The following STX1B variants were observed in gnomAD, a reference collection of about 807,000 sequenced individuals.
The protein encoded by STX1B is syntaxin 1B, also known as syntaxin-1B.
A neutral mutation model predicts 39.4 loss-of-function variants in STX1B; 7 were observed. That is an observed-to-expected ratio of 0.18 (90% CI 0.10 to 0.33). STX1B has a LOEUF of 0.33. STX1B is among the 10% of genes least tolerant of loss of function. STX1B has a pLI of 1.00. For synonymous variants in STX1B, 136 were observed against 144.1 expected, an observed-to-expected ratio of 0.94 and a Z score of 0.40; for missense variants, 198 against 383.2, an observed-to-expected ratio of 0.52 and a Z score of 4.04.
chr16:31,008,135 C>G (rs1486785965), intron 1 of STX1B, among the ~76,000 whole-genome samples: 1 of 151,858 alleles, frequency 6.6e-6, no homozygotes, highest in Non-Finnish European at 1.5e-5. Flanking sequence ...GTTTCCAGGT[C>G]CCCCACACCC....
In STX1B at chr16:30,992,481, C is replaced by A. The variant is rs903686226; in HGVS notation, c.*340G>T. ...CCGGTGAAGGGGGAAGCTCAGACCA[C>A]GCACACACACCCAAGGTGGGGGTGG... On this transcript the variant is annotated 3_prime_UTR_variant, in exon 10 of 10. Coordinates refer to ENST00000215095, the MANE Select transcript of STX1B (RefSeq NM_052874.5). 2 of 285,064 alleles carry A rather than the reference C, an allele frequency of 7.0e-6. No individual in the cohort carries two copies. Among genetic ancestry groups the A allele is most frequent in the Non-Finnish European group, 1.3e-5 (2 of 148,340 alleles). The allele number at this position is 285,064 out of a possible 1,614,324, so 17.7% of individuals were successfully genotyped here. A position where few individuals can be genotyped will look rare whatever the true frequency, so the allele number is the denominator to read the frequency against.
chr16:30,998,291 A>C (rs1223544057), intron 4 of STX1B, among the ~76,000 whole-genome samples: 1 of 152,260 alleles, frequency 6.6e-6, no homozygotes. Context: ...AAAATGCAGC[A>C]GGGATGAATC....
intron 5 of STX1B, 111 bp downstream of exon 5, chr16:30,997,391 C>A (rs1043530990): frequency 2.1e-6 from 2 of 958,266 alleles, no homozygotes; most frequent in Non-Finnish European, 3.2e-6. Context: ...CCCGCCCCAG[C>A]CCTCCCTGAC....
In STX1B at chr16:31,000,652, C is replaced by T. The variant is rs544565331; in HGVS notation, c.280+276G>A. On this transcript the variant is annotated intron_variant, in intron 4 of 9. Transcript: ENST00000215095. ...GATTACAGGCGCCCGCCACCACACC[C>T]AGCTAATTTTTGTGCTTTTAGTAGA... Among the ~76,000 whole-genome samples the T allele has an allele frequency of 2.0e-5, 3 of 152,254 alleles. No homozygotes were observed. In the South Asian group the frequency reaches 6.2e-4, roughly 32 times the overall value.
chr16:30,996,941 G>A lies in STX1B; in HGVS notation c.463+10C>T, dbSNP rs757611453. 1.1e-5 allele frequency: 17 copies of A among 1,606,880 alleles called. No homozygotes were observed. Among genetic ancestry groups the A allele is most frequent in the South Asian group, 7.7e-5 (7 of 90,754 alleles). On this transcript the variant is annotated intron_variant, in intron 6 of 9. Transcript: ENST00000215095. ...GGAGTTCGGGGTCCTGGGGTGGGGG[G>A]CACACGCACTGATCTCCAGTTGCCG...
chr16:31,000,830 A>T, intron 4 of STX1B, 98 bp downstream of exon 4: 1 of 1,212,150 alleles, frequency 8.2e-7, no homozygotes, highest in Admixed American at 1.8e-5. Context: ...AACTCCTGGG[A>T]TTGAGCAATT....
chr16:31,004,343 AG>A (rs1278593281), intron 1 of STX1B, among the ~76,000 whole-genome samples: 1 of 152,196 alleles, frequency 6.6e-6, no homozygotes, highest in Non-Finnish European at 1.5e-5. Context: ...GTATTATTAT[AG>A]CCCCCTTTTA....
At position 30,996,748 on chromosome 16, in the gene STX1B, T is replaced by C; in HGVS notation, c.472A>G (p.Thr158Ala). Residue 158 changes from threonine (T) to alanine (A), a missense_variant, in exon 7 of 10, where the codon ACC becomes GCC. Transcript: ENST00000215095. ...TCTTCCAGTTCTTCGTTGGTGGTGG[T>C]CCTTCCAGCTGCGGGAAGAAAGGAC... ...IQRQLEITGR[T>A]TTNEELEDML... The C allele has an allele frequency of 6.2e-7, 1 of 1,614,058 alleles. No individual in the cohort carries two copies. The highest frequency in any genetic ancestry group is 8.5e-7 in the Non-Finnish European group (1 of 1,179,934).
intron 4 of STX1B, among the ~76,000 whole-genome samples, chr16:30,999,810 C>T (rs1245973506): frequency 6.6e-6 from 1 of 152,174 alleles, no homozygotes; most frequent in East Asian, 1.9e-4. Context: ...GCTGGTGGAA[C>T]CAGCAGGGCT....
At chr16:30,995,622 C>T (rs897511232) in intron 7 of STX1B, among the ~76,000 whole-genome samples, 1 of 152,046 alleles carries the variant, frequency 6.6e-6, no homozygotes, top group African/African-American at 2.4e-5. Context: ...CCCCTAGTAG[C>T]TGGGATTACA....
intron 4 of STX1B, among the ~76,000 whole-genome samples, chr16:31,000,186 T>C (rs369712723): frequency 1.3e-5 from 2 of 151,868 alleles, no homozygotes; most frequent in African/African-American, 4.8e-5. Flanking sequence ...TTAGTACAGA[T>C]GGGGTTTCAC....
At position 30,989,284 on chromosome 16, in the gene STX1B, C is replaced by T. The variant is rs1012790886; in HGVS notation, c.*3537G>A. On this transcript the variant is annotated 3_prime_UTR_variant, in exon 10 of 10. Coordinates refer to ENST00000215095, the MANE Select transcript of STX1B (RefSeq NM_052874.5). ...GCTGTTGGATTGGTTGCTATTTCTCCCGTCCCACAGGGCCTGACCTGGCCC... is the reference window on the plus strand; with the variant it reads ...GCTGTTGGATTGGTTGCTATTTCTCTCGTCCCACAGGGCCTGACCTGGCCC... 7 of 152,244 alleles carry T rather than the reference C, an allele frequency of 4.6e-5. No individual in the cohort carries two copies. The highest frequency in any genetic ancestry group is 1.7e-4 in the African/African-American group (7 of 41,432). The allele number at this position is 152,244 out of a possible 1,614,324, so 9.4% of individuals were successfully genotyped here.
Position 31,001,730 on chromosome 16 carries a change from G to C in STX1B, c.31-127C>G. 3 of 677,626 alleles carry C rather than the reference G, an allele frequency of 4.4e-6. No homozygotes were observed. Among genetic ancestry groups the C allele is most frequent in the Non-Finnish European group, 7.4e-6 (3 of 404,090 alleles). The allele number at this position is 677,626 out of a possible 1,614,324, so 42.0% of individuals were successfully genotyped here. On this transcript the variant is annotated intron_variant, in intron 1 of 9. Coordinates refer to ENST00000215095, the MANE Select transcript of STX1B (RefSeq NM_052874.5). This position sits in a 1 kb window ranked among gnomAD's most constrained non-coding sequence, Gnocchi z 5.5. ...CTCCCAGCTCTAGGCTCAGAGGAGGGGTCCTGGGAGGGGTCCCATGCAGGG... is the reference window on the plus strand; with the variant it reads ...CTCCCAGCTCTAGGCTCAGAGGAGGCGTCCTGGGAGGGGTCCCATGCAGGG...
chr16:31,001,240 A>G lies in STX1B; in HGVS notation c.106-47T>C. The G allele has an allele frequency of 6.3e-7, 1 of 1,586,818 alleles. No homozygotes were observed. Among genetic ancestry groups the G allele is most frequent in the Non-Finnish European group, 8.6e-7 (1 of 1,160,736 alleles). ...ACCCAGCCAAGCTGTCAGGCCAAAC[A>G]ACGGGTTCCAGGGGAACCAGCCAGG... On this transcript the variant is annotated intron_variant, in intron 2 of 9. Transcript: ENST00000215095. The surrounding 1 kb of genome is among the most constrained non-coding windows in gnomAD (Gnocchi z 5.5).
chr16:30,998,092 A>G (rs1859886263), intron 4 of STX1B, among the ~76,000 whole-genome samples: 1 of 152,194 alleles, frequency 6.6e-6, no homozygotes, highest in African/African-American at 2.4e-5. Flanking sequence ...TGGATATTCC[A>G]AGGGAGAAAG....
At chr16:31,000,737 G>A (rs985182449) in intron 4 of STX1B, among the ~76,000 whole-genome samples, 191 bp downstream of exon 4, 7 of 151,858 alleles carry the variant, frequency 4.6e-5, no homozygotes, top group Non-Finnish European at 1.0e-4. Flanking sequence ...TGATTCACCC[G>A]CCTCGGCCTC....
rs747664620 is a variant in STX1B, at chr16:30,993,190, G to A, written c.726C>T (p.Tyr242=). 10 of 1,614,172 alleles carry A rather than the reference G, an allele frequency of 6.2e-6. No individual in the cohort carries two copies. The highest frequency in any genetic ancestry group is 1.6e-4 in the Middle Eastern group (1 of 6,062). Residue 242 remains tyrosine, a synonymous_variant, in exon 9 of 10, where the codon TAC becomes TAT. Coordinates refer to ENST00000215095, the MANE Select transcript of STX1B (RefSeq NM_052874.5). ...IEYNVEHSVD[Y]VERAVSDTKK... is the part of the protein sequence containing the mutation. The stretch of plus-strand genomic sequence containing the variant: ...TGGTGTCAGACACAGCTCGCTCCAC[G>A]TAGTCCACAGAATGTTCCACGTTGT...
chr16:30,991,560 T>TCAG lies in STX1B; in HGVS notation c.*1258_*1260dup, dbSNP rs2056558257. 6.6e-6 allele frequency: 1 copy of TCAG among 152,170 alleles called. No homozygotes were observed. Among genetic ancestry groups the TCAG allele is most frequent in the African/African-American group, 2.4e-5 (1 of 41,220 alleles). 9.4% of individuals were successfully genotyped at this position (152,170 alleles called of 1,614,324 possible). A position where few individuals can be genotyped will look rare whatever the true frequency, so the allele number is the denominator to read the frequency against. On this transcript the variant is annotated 3_prime_UTR_variant, in exon 10 of 10. Coordinates refer to ENST00000215095, the MANE Select transcript of STX1B (RefSeq NM_052874.5). ...GCAGGGCAGAAACACACCATGTAGG[T>TCAG]CAGGCAGGACAGAAACACATCATGT...
At position 30,992,651 on chromosome 16, in the gene STX1B, G is replaced by GGC. The variant is rs2143659876; in HGVS notation, c.*169_*170insGC. On this transcript the variant is annotated 3_prime_UTR_variant, in exon 10 of 10. Coordinates refer to ENST00000215095, the MANE Select transcript of STX1B (RefSeq NM_052874.5). ...ATCTACGTGCGGGGACGGGGGGGGG[G>GGC]TCCATGGCCCGGTGAGGTCCAGGGA... The GGC allele has an allele frequency of 2.0e-6, 1 of 509,112 alleles. No homozygotes were observed. Among genetic ancestry groups the GGC allele is most frequent in the South Asian group, 2.7e-5 (1 of 36,900 alleles). 31.5% of individuals were successfully genotyped at this position (509,112 alleles called of 1,614,324 possible). A position where few individuals can be genotyped will look rare whatever the true frequency, so the allele number is the denominator to read the frequency against.
Sources: allele counts gnomAD v4.1 joint callset (sites outside exome capture counted in the v4.1 genomes callset), GRCh38; gene constraint gnomAD v4.1.1; non-coding constraint Gnocchi (gnomAD v3.1); transcripts MANE v1.5; gene names NCBI Gene and HGNC (gene_info 2026-07-23, HGNC 2026-07-21).